CFAP300: variants seen among roughly 807,000 people sequenced by gnomAD.
CFAP300 encodes the protein cilia- and flagella-associated protein 300.
CFAP300 carries 32 observed loss-of-function variants against 33.0 expected under a neutral mutation model. That is an observed-to-expected ratio of 0.97 (90% CI 0.73 to 1.30). The LOEUF is 1.30. Ranked by LOEUF, CFAP300 falls within the 50% of genes most tolerant of loss-of-function variation. CFAP300 has a pLI of 0.00. For missense variants in CFAP300, 356 were observed against 318.1 expected (o/e 1.12, Z -0.90); for synonymous variants, 102 against 106.8 (o/e 0.95, Z 0.28).
intron 3 of CFAP300, among the ~76,000 whole-genome samples, chr11:102,059,322 TATGTACTA>T (rs1942108409): frequency 7.3e-6 from 1 of 137,190 alleles, no homozygotes; most frequent in African/African-American, 2.8e-5. Context: ...TGTGTGTGTG[TATGTACTA>T]ATATGTCAAA....
chr11:102,050,077 C>T (rs769522915), intron 2 of CFAP300, among the ~76,000 whole-genome samples: 3 of 152,056 alleles, frequency 2.0e-5, no homozygotes, highest in Non-Finnish European at 4.4e-5. Context: ...ATTACTTGAG[C>T]TATGATCGCA....
chr11:102,063,677 G>T (rs908619826), intron 3 of CFAP300, among the ~76,000 whole-genome samples: 4 of 152,202 alleles, frequency 2.6e-5, no homozygotes, highest in South Asian at 4.2e-4. Flanking sequence ...AAACTATCTG[G>T]CTGTGTTGGC....
At position 102,047,481 on chromosome 11, in the gene CFAP300, G is replaced by T. The variant is rs1383418869; in HGVS notation, c.11G>T (p.Gly4Val). The change falls in exon 1 of 7, where the codon GGG becomes GTG. Residue 4 changes from glycine (G) to valine (V), a missense_variant. Physicochemically the swap from Gly to Val is moderately radical, Grantham distance 109. Coordinates refer to ENST00000434758, the MANE Select transcript of CFAP300 (RefSeq NM_032930.3). ...CCAGCCGAGAGCACGATGGCTACTG[G>T]GGAGCTCGGGGACTTGGGTGGCTAC... is the stretch of plus-strand genomic sequence containing the variant. MATGELGDLGGYYF... is the reference protein window; with the variant it reads MATVELGDLGGYYF... 6.5e-7 allele frequency: 1 copy of T among 1,535,958 alleles called. No homozygotes were observed. Among genetic ancestry groups the T allele is most frequent in the East Asian group, 2.4e-5 (1 of 40,902 alleles).
chr11:102,058,023 T>TGCTTGATGGGGCTATC (rs1365200195), intron 2 of CFAP300: 1 of 152,372 alleles, frequency 6.6e-6, no homozygotes, highest in East Asian at 1.9e-4. Context: ...CTTCCTCTAG[T>TGCTTGATGGGGCTATC]GCTTGATGGG....
At chr11:102,060,713 T>A (rs1303234259) in intron 3 of CFAP300, among the ~76,000 whole-genome samples, 1 of 152,194 alleles carries the variant, frequency 6.6e-6, no homozygotes, top group Non-Finnish European at 1.5e-5. Context: ...AAAATGCATT[T>A]TAAATTAGAT....
At chr11:102,070,660 C>T (rs1362409664) in intron 4 of CFAP300, among the ~76,000 whole-genome samples, 1 of 152,030 alleles carries the variant, frequency 6.6e-6, no homozygotes, top group African/African-American at 2.4e-5. Flanking sequence ...AGTCTTAGTA[C>T]TTTTTTGATG....
At chr11:102,075,595 T>C (rs1054929622) in intron 4 of CFAP300, among the ~76,000 whole-genome samples, 1 of 152,122 alleles carries the variant, frequency 6.6e-6, no homozygotes, top group Non-Finnish European at 1.5e-5. Flanking sequence ...ACTAAAACAA[T>C]TACTAAAAAT....
Position 102,084,150 on chromosome 11 carries a change from A to G in CFAP300, c.*951A>G, listed in dbSNP as rs1016945808. 6.6e-6 allele frequency: 1 copy of G among 152,280 alleles called. No homozygotes were observed. Among genetic ancestry groups the G allele is most frequent in the East Asian group, 1.9e-4 (1 of 5,208 alleles). The allele number at this position is 152,280 out of a possible 1,614,324, so 9.4% of individuals were successfully genotyped here. On this transcript the variant is annotated 3_prime_UTR_variant, in exon 7 of 7. Coordinates refer to ENST00000434758, the MANE Select transcript of CFAP300 (RefSeq NM_032930.3). ...GCCTGATGGCATTAGTAAGTCGTTC[A>G]AAGAGTGAGAAGCAGGTTATCTTAG... is the stretch of plus-strand genomic sequence containing the variant.
intron 4 of CFAP300, among the ~76,000 whole-genome samples, chr11:102,068,190 C>T (rs1334844373): frequency 6.6e-6 from 1 of 152,108 alleles, no homozygotes; most frequent in Non-Finnish European, 1.5e-5. Context: ...TTAATTACTA[C>T]TGTTATTATT....
chr11:102,058,859 C>T (rs749024405), intron 2 of CFAP300, 21 bp from the exon 3 acceptor site: 10 of 1,355,932 alleles, frequency 7.4e-6, no homozygotes, highest in Non-Finnish European at 1.0e-5. Flanking sequence ...CTAACTTATT[C>T]CCCTCAAATT....
Position 102,083,161 on chromosome 11 carries a change from GT to G in CFAP300, c.770del (p.Leu257TyrfsTer36). The G allele has an allele frequency of 6.4e-7, 1 of 1,557,378 alleles. No homozygotes were observed. The stretch of plus-strand genomic sequence containing the variant: ...GGATCCTATCAGGCGTCACCTTCAT[GT>G]TTTATACCACTGTTATGGTGTGGGA... ...IVDPIRRHLHVLYHCYGVGDM... is the reference protein window; with the variant it reads ...IVDPIRRHLHXLYHCYGVGDM... On this transcript the variant is annotated frameshift_variant, in exon 7 of 7. Transcript: ENST00000434758. LOFTEE classifies it high-confidence loss of function.
At chr11:102,056,780 T>C (rs1289876440) in intron 2 of CFAP300, among the ~76,000 whole-genome samples, 6 of 151,894 alleles carry the variant, frequency 4.0e-5, no homozygotes, top group Non-Finnish European at 8.8e-5. Flanking sequence ...TGTGCCACCA[T>C]GCCCAGCTAA....
rs1591311189 is a variant in CFAP300 at position 102,047,702 on chromosome 11, G to A, written c.111-113G>A. 2.7e-6 allele frequency: 4 copies of A among 1,464,518 alleles called. No individual in the cohort carries two copies. In the East Asian group the frequency reaches 9.8e-5, roughly 36 times the overall value. The allele number at this position is 1,464,518 out of a possible 1,614,324, so 90.7% of individuals were successfully genotyped here. ...TTCTGAGTGAACCCTGAGGCTTCCT[G>A]AGTGAACCCCGAACCACCCGGGAAG... On this transcript the variant is annotated intron_variant, in intron 1 of 6. Coordinates refer to ENST00000434758, the MANE Select transcript of CFAP300 (RefSeq NM_032930.3).
At chr11:102,069,027 C>A (rs1323916334) in intron 4 of CFAP300, among the ~76,000 whole-genome samples, 1 of 152,160 alleles carries the variant, frequency 6.6e-6, no homozygotes, top group Admixed American at 6.5e-5. Flanking sequence ...GAAAGAGCAT[C>A]ATCAGTGGAC....
chr11:102,058,958 A>C lies in CFAP300; in HGVS notation c.268+3A>C, dbSNP rs1565390574. On this transcript the variant is annotated splice_donor_region_variant and intron_variant, in intron 3 of 6. Coordinates refer to ENST00000434758, the MANE Select transcript of CFAP300 (RefSeq NM_032930.3). The stretch of plus-strand genomic sequence containing the variant: ...TTCTGGACAATGGATCATATTAGGT[A>C]AATAAAATTTTCATCTTTTCAGATA... The C allele has an allele frequency of 6.6e-7, 1 of 1,516,968 alleles. No individual in the cohort carries two copies. The highest frequency in any genetic ancestry group is 2.3e-5 in the East Asian group (1 of 43,360). 94.0% of individuals were successfully genotyped at this position (1,516,968 alleles called of 1,614,324 possible). A position where few individuals can be genotyped will look rare whatever the true frequency, so the allele number is the denominator to read the frequency against.
chr11:102,071,982 A>G (rs937444117), intron 4 of CFAP300, among the ~76,000 whole-genome samples: 1 of 152,046 alleles, frequency 6.6e-6, no homozygotes, highest in African/African-American at 2.4e-5. Context: ...GGTTGTACTT[A>G]TTTGGGGATC....
chr11:102,070,647 T>G (rs10791557), intron 4 of CFAP300, among the ~76,000 whole-genome samples: 65,360 of 151,974 alleles, frequency 0.43, 14,332 homozygotes, highest in East Asian at 0.71. Context: ...TTAGATTATT[T>G]GAAGTCTTAG....
intron 3 of CFAP300, 103 bp from the exon 4 acceptor site, chr11:102,066,382 T>A: frequency 1.5e-6 from 1 of 688,038 alleles, no homozygotes; most frequent in Non-Finnish European, 2.3e-6. Context: ...ATGTCATATT[T>A]GTTAACTTCT....
chr11:102,076,408 T>C (rs1353519882), intron 5 of CFAP300, among the ~76,000 whole-genome samples: 1 of 152,250 alleles, frequency 6.6e-6, no homozygotes, highest in African/African-American at 2.4e-5. Context: ...GCTTAACTAA[T>C]AGTAAAAACA....
Sources: allele counts gnomAD v4.1 joint callset (sites outside exome capture counted in the v4.1 genomes callset), GRCh38; gene constraint gnomAD v4.1.1; transcripts MANE v1.5; gene names NCBI Gene and HGNC (gene_info 2026-07-23, HGNC 2026-07-21).